The following SPAST variants were observed in gnomAD, a reference collection of about 807,000 sequenced individuals.
The protein encoded by SPAST is spastin.
A neutral mutation model predicts 76.6 loss-of-function variants in SPAST; 30 were observed. The observed-to-expected ratio is 0.39, with a 90% CI of 0.29 to 0.53. The LOEUF (loss-of-function observed/expected upper bound fraction) is 0.53. SPAST is among the 20% of genes least tolerant of loss of function. SPAST has a pLI of 0.68. For missense variants in SPAST, 717 were observed against 770.5 expected (o/e 0.93, Z 0.82); for synonymous variants, 305 against 281.0 (o/e 1.09, Z -0.86).
chr2:32,126,012 G>C (rs972447837), intron 7 of SPAST, among the ~76,000 whole-genome samples: 13 of 151,984 alleles, frequency 8.6e-5, no homozygotes, highest in Admixed American at 5.2e-4. Flanking sequence ...AGCCAGGATG[G>C]TCTCGATCTC....
chr2:32,150,012 C>T (rs1456318205), intron 16 of SPAST, among the ~76,000 whole-genome samples: 1 of 147,768 alleles, frequency 6.8e-6, no homozygotes, highest in Non-Finnish European at 1.5e-5. Context: ...ATTCGCCTGT[C>T]GGATGAGGCA....
At chr2:32,137,820 C>A (rs942144023) in intron 12 of SPAST, among the ~76,000 whole-genome samples, 12 of 152,222 alleles carry the variant, frequency 7.9e-5, no homozygotes, top group Non-Finnish European at 1.6e-4. Context: ...GCTTTCTTCC[C>A]CCATGTAGTA....
rs1338843615 is a variant in SPAST, at chr2:32,064,150, C to G, written c.319C>G (p.Pro107Ala). The G allele has an allele frequency of 6.4e-7, 1 of 1,559,854 alleles. No homozygotes were observed. The highest frequency in any genetic ancestry group is 8.7e-7 in the Non-Finnish European group (1 of 1,152,778). ...PAPASASAPA[P>A]VPGGEAERVR... ...ACCTGCCTCGGCCTCGGCCCCGGCG[C>G]CGGTGCCGGGCGGCGAGGCCGAGCG... Residue 107 changes from proline (P) to alanine (A), a missense_variant, in exon 1 of 17, where the codon CCG becomes GCG. Pro to Ala is a conservative substitution (Grantham distance 27). Coordinates refer to ENST00000315285, the MANE Select transcript of SPAST (RefSeq NM_014946.4).
intron 7 of SPAST, among the ~76,000 whole-genome samples, chr2:32,125,474 C>T (rs1289347848): frequency 3.3e-5 from 5 of 152,018 alleles, no homozygotes; most frequent in African/African-American, 9.7e-5. Context: ...CTGCCCGCCT[C>T]GGCCTCCCAA....
At chr2:32,071,547 C>T (rs774594642) in intron 1 of SPAST, among the ~76,000 whole-genome samples, 10 of 152,190 alleles carry the variant, frequency 6.6e-5, no homozygotes, top group African/African-American at 2.4e-4. Flanking sequence ...CTAAGAACAT[C>T]TGTCCAAGGT....
At chr2:32,093,455 C>G (rs544641283) in intron 3 of SPAST, among the ~76,000 whole-genome samples, 1 of 152,162 alleles carries the variant, frequency 6.6e-6, no homozygotes, top group African/African-American at 2.4e-5. Flanking sequence ...GCACTCTAGC[C>G]TGGATGACAG....
At chr2:32,089,927 C>G (rs1219292346) in intron 3 of SPAST, among the ~76,000 whole-genome samples, 1 of 152,106 alleles carries the variant, frequency 6.6e-6, no homozygotes, top group African/African-American at 2.4e-5. Context: ...CCACGCCCCG[C>G]TAATTTTTTT....
At chr2:32,072,897 G>C (rs1676809238) in intron 1 of SPAST, among the ~76,000 whole-genome samples, 1 of 152,114 alleles carries the variant, frequency 6.6e-6, no homozygotes, top group African/African-American at 2.4e-5. Flanking sequence ...TTAAACTAAG[G>C]AATAAATCTG....
rs1007993880 is a variant in SPAST, at chr2:32,116,197, T to C, written c.1083T>C (p.Pro361=). ...KQALQEIVIL[P]SLRPELFTGL... ...CATTGCAAGAAATTGTTATTCTTCC[T>C]TCTCTGAGGCCTGAGGTAAGAACTT... Residue 361 remains proline (P), a synonymous_variant, in exon 7 of 17, where the codon CCT becomes CCC. Transcript: ENST00000315285. 8.1e-6 allele frequency: 13 copies of C among 1,611,522 alleles called. No homozygotes were observed. The highest frequency in any genetic ancestry group is 1.7e-4 in the Middle Eastern group (1 of 6,048).
chr2:32,120,053 T>G (rs1678965930), intron 7 of SPAST, among the ~76,000 whole-genome samples: 1 of 151,786 alleles, frequency 6.6e-6, no homozygotes, highest in Non-Finnish European at 1.5e-5. Flanking sequence ...TGAGACAGTC[T>G]CGCTGTGTTC....
At chr2:32,092,177 G>A (rs1478119632) in intron 3 of SPAST, among the ~76,000 whole-genome samples, 3 of 152,100 alleles carry the variant, frequency 2.0e-5, no homozygotes, top group South Asian at 2.1e-4. Flanking sequence ...AAATGCAGCC[G>A]TTACTGCTTT....
intron 4 of SPAST, among the ~76,000 whole-genome samples, chr2:32,110,957 A>C (rs1678566934): frequency 1.2e-4 from 1 of 8,416 alleles, no homozygotes; most frequent in Non-Finnish European, 1.9e-4. Flanking sequence ...GTGTGTATAG[A>C]GTATATATAC....
At chr2:32,068,763 G>A (rs1676626844) in intron 1 of SPAST, among the ~76,000 whole-genome samples, 2 of 151,926 alleles carry the variant, frequency 1.3e-5, no homozygotes, top group African/African-American at 2.4e-5. Context: ...ATGTGGTGGC[G>A]GGTGTGTGTA....
intron 15 of SPAST, among the ~76,000 whole-genome samples, chr2:32,145,655 A>C (rs1679861897): frequency 6.6e-6 from 1 of 152,014 alleles, no homozygotes; most frequent in Non-Finnish European, 1.5e-5. Flanking sequence ...TTTTTTAATT[A>C]TATCTTTTGA....
intron 1 of SPAST, among the ~76,000 whole-genome samples, chr2:32,078,197 A>G (rs186495106): frequency 1.3e-5 from 2 of 152,012 alleles, no homozygotes; most frequent in African/African-American, 4.8e-5. Flanking sequence ...TCACCGTTTT[A>G]GCCGGGATGG....
Position 32,063,997 on chromosome 2 carries a change from C to T in SPAST, c.166C>T (p.Pro56Ser). Residue 56 changes from proline to serine, a missense_variant, in exon 1 of 17, where the codon CCG becomes TCG. By Grantham distance (74) the Pro-to-Ser change is moderately conservative. Transcript: ENST00000315285. Reference protein sequence around the residue: ...HKRNLYYFSYPLFVGFALLRL... With the variant: ...HKRNLYYFSYSLFVGFALLRL... Reference sequence around the variant, plus strand: ...GCGGAACCTGTACTATTTCTCCTACCCGCTGTTTGTAGGCTTCGCGCTGCT... The same window carrying T: ...GCGGAACCTGTACTATTTCTCCTACTCGCTGTTTGTAGGCTTCGCGCTGCT... The T allele has an allele frequency of 1.2e-6, 2 of 1,613,498 alleles. No homozygotes were observed. The highest frequency in any genetic ancestry group is 1.7e-6 in the Non-Finnish European group (2 of 1,179,588).
At chr2:32,142,027 C>T in intron 13 of SPAST, 81 bp downstream of exon 13, 1 of 1,053,200 alleles carries the variant, frequency 9.5e-7, no homozygotes, top group Admixed American at 1.8e-5. Context: ...TCTTCCAATC[C>T]ATGGTACAGC....
At chr2:32,078,108 A>G (rs1253283788) in intron 1 of SPAST, among the ~76,000 whole-genome samples, 1 of 151,534 alleles carries the variant, frequency 6.6e-6, no homozygotes, top group Non-Finnish European at 1.5e-5. Context: ...CTCCTGCCTC[A>G]GCCTCCCAAG....
intron 16 of SPAST, 114 bp from the exon 17 acceptor site, chr2:32,154,260 G>T: frequency 5.8e-6 from 5 of 868,634 alleles, no homozygotes; most frequent in East Asian, 5.2e-5. Flanking sequence ...ATACATACAC[G>T]TATATTTTTT....
Sources: allele counts gnomAD v4.1 joint callset (sites outside exome capture counted in the v4.1 genomes callset), GRCh38; gene constraint gnomAD v4.1.1; transcripts MANE v1.5; gene names NCBI Gene and HGNC (gene_info 2026-07-23, HGNC 2026-07-21).